Variants in CELF2 observed in about 807,000 individuals in gnomAD.
CELF2 encodes the protein CUG triplet repeat RNA-binding protein 2.
A neutral mutation model predicts 62.6 loss-of-function variants in CELF2; 8 were observed. The ratio of observed to expected loss-of-function variants is 0.13; its 90% CI spans 0.07 to 0.23. CELF2 has a LOEUF of 0.23. Among genes scored for constraint, CELF2 ranks in the 10% least tolerant of loss-of-function variants. The pLI, the probability that CELF2 is intolerant of heterozygous loss-of-function variation, is 1.00. For synonymous variants in CELF2, 258 were observed against 250.0 expected (o/e 1.03, Z -0.30); for missense variants, 333 against 671.0 (o/e 0.50, Z 5.56).
chr10:11,123,895 T>C (rs866044852), intron 1 of CELF2, among the ~76,000 whole-genome samples: 1 of 152,178 alleles, frequency 6.6e-6, no homozygotes, highest in Non-Finnish European at 1.5e-5. Flanking sequence ...TCAGTTCTCA[T>C]GCTGCTAATA....
intron 1 of CELF2, among the ~76,000 whole-genome samples, chr10:10,899,903 G>A (rs557611334): frequency 7.2e-5 from 11 of 152,310 alleles, no homozygotes; most frequent in Admixed American, 2.0e-4. Flanking sequence ...TCTACCTCCA[G>A]CATTGGGGAT....
chr10:10,941,942 C>T (rs564672342), intron 2 of CELF2, among the ~76,000 whole-genome samples: 1 of 148,226 alleles, frequency 6.7e-6, no homozygotes, highest in African/African-American at 2.5e-5. Context: ...TGCAGTGAGC[C>T]GAGATCACAG....
intron 1 of CELF2, among the ~76,000 whole-genome samples, chr10:11,027,716 T>C (rs2059453482): frequency 6.6e-6 from 1 of 152,164 alleles, no homozygotes; most frequent in Non-Finnish European, 1.5e-5. Context: ...TGGAAGGGCA[T>C]CCTTCAAGGC....
chr10:11,214,194 A>G lies in CELF2; in HGVS notation c.272-3231A>G, dbSNP rs1306196278. Reference sequence around the variant, plus strand: ...AGGTACTCAGGGAAGGGGCAGGAGAACCACTTGAGCCAAGGAGTTCAAGGC... The same window carrying G: ...AGGTACTCAGGGAAGGGGCAGGAGAGCCACTTGAGCCAAGGAGTTCAAGGC... On this transcript the variant is annotated intron_variant, in intron 2 of 12. Coordinates refer to ENST00000633077, the MANE Select transcript of CELF2 (RefSeq NM_001326342.2). The surrounding 1 kb of genome is among the most constrained non-coding windows in gnomAD (Gnocchi z 4.2). Among the ~76,000 whole-genome samples, 1 of 152,188 alleles carries G rather than the reference A, an allele frequency of 6.6e-6. No homozygotes were observed. Among genetic ancestry groups the G allele is most frequent in the East Asian group, 1.9e-4 (1 of 5,194 alleles).
chr10:10,977,327 G>A (rs920961165), intron 2 of CELF2, among the ~76,000 whole-genome samples: 7 of 152,180 alleles, frequency 4.6e-5, no homozygotes, highest in Non-Finnish European at 7.3e-5. Context: ...GCAGGTCCAC[G>A]ATGTTTGCCA....
intron 1 of CELF2, among the ~76,000 whole-genome samples, chr10:10,818,390 A>T (rs892132432): frequency 3.3e-5 from 5 of 152,154 alleles, no homozygotes; most frequent in African/African-American, 9.7e-5. Context: ...TTTTCTCATT[A>T]GATGACGTTC....
chr10:10,474,287 G>A, the CELF2 span, among the ~76,000 whole-genome samples: 2 of 151,982 alleles, frequency 1.3e-5, no homozygotes, highest in East Asian at 3.9e-4. Flanking sequence ...CCACAAAAAG[G>A]GGGAAAAAAG....
chr10:10,736,836 C>T, the CELF2 span, among the ~76,000 whole-genome samples: 1 of 151,954 alleles, frequency 6.6e-6, no homozygotes, highest in Non-Finnish European at 1.5e-5. Context: ...ATATAAATAT[C>T]GATTGTTTGG....
the CELF2 span, among the ~76,000 whole-genome samples, chr10:10,463,350 T>C: frequency 6.6e-6 from 1 of 152,198 alleles, no homozygotes; most frequent in African/African-American, 2.4e-5. Flanking sequence ...TTAGATAGTG[T>C]AAATTTTCAG....
the CELF2 span, among the ~76,000 whole-genome samples, chr10:10,543,339 C>A: frequency 1.3e-5 from 2 of 152,196 alleles, no homozygotes; most frequent in Admixed American, 6.5e-5. Flanking sequence ...TCAAAATTCC[C>A]TCCTAAGTGA....
chr10:10,465,069 G>A, the CELF2 span, among the ~76,000 whole-genome samples: 2 of 152,032 alleles, frequency 1.3e-5, no homozygotes, highest in African/African-American at 4.8e-5. Context: ...ACCTTCTGAC[G>A]AGAATACACA....
chr10:10,960,822 T>C (rs2049414936), intron 2 of CELF2, among the ~76,000 whole-genome samples: 1 of 152,208 alleles, frequency 6.6e-6, no homozygotes, highest in African/African-American at 2.4e-5. Flanking sequence ...ATCTGCCTCC[T>C]TTTTTCTTTT....
intron 1 of CELF2, among the ~76,000 whole-genome samples, chr10:10,839,825 G>C (rs2058559125): frequency 6.6e-6 from 1 of 152,190 alleles, no homozygotes. Context: ...TATTATCATA[G>C]AGAATAGTTT....
chr10:10,799,455 G>C (rs2054423263), intron 1 of CELF2, among the ~76,000 whole-genome samples: 1 of 152,044 alleles, frequency 6.6e-6, no homozygotes, highest in Non-Finnish European at 1.5e-5. Flanking sequence ...GTGCACTCCA[G>C]CCTGTGCAAC....
chr10:10,586,050 T>A, the CELF2 span, among the ~76,000 whole-genome samples: 1 of 152,212 alleles, frequency 6.6e-6, no homozygotes, highest in Non-Finnish European at 1.5e-5. Flanking sequence ...ATTTTACAAT[T>A]AGCCTTTCAG....
In CELF2 at chr10:11,098,521, G is replaced by A. The variant is rs1319936242; in HGVS notation, c.75-66965G>A. On this transcript the variant is annotated intron_variant, in intron 1 of 12. Transcript: ENST00000633077. This position sits in a 1 kb window ranked among gnomAD's most constrained non-coding sequence, Gnocchi z 4.0. ...GAAAGGGCAGTTAGGGAAGAAATGA[G>A]GGAAAAAATGGATGAGGAAGAGGGC... 2.0e-5 allele frequency: 3 copies of A among 152,142 alleles called. No homozygotes were observed. The highest frequency in any genetic ancestry group is 7.2e-5 in the African/African-American group (3 of 41,424). 9.4% of individuals were successfully genotyped at this position (152,142 alleles called of 1,614,324 possible).
At chr10:10,973,473 A>G (rs1443107685) in intron 2 of CELF2, among the ~76,000 whole-genome samples, 1 of 152,144 alleles carries the variant, frequency 6.6e-6, no homozygotes, top group Non-Finnish European at 1.5e-5. Flanking sequence ...GTTCTCCTGC[A>G]GACCACGCTT....
chr10:10,851,316 T>C (rs562299174), intron 1 of CELF2, among the ~76,000 whole-genome samples: 34 of 152,306 alleles, frequency 2.2e-4, no homozygotes, highest in Admixed American at 5.9e-4. Flanking sequence ...ACAACAAATG[T>C]TCAGAGCAGC....
chr10:11,106,744 T>C (rs533364722), intron 1 of CELF2, among the ~76,000 whole-genome samples: 1 of 152,374 alleles, frequency 6.6e-6, no homozygotes, highest in East Asian at 1.9e-4. Flanking sequence ...ACTTGTGGTC[T>C]TTACGGAAGG....
Sources: gnomAD v4.1 joint callset for allele counts (sites outside exome capture counted in the v4.1 genomes callset) on GRCh38, gnomAD v4.1.1 for gene constraint, Gnocchi (gnomAD v3.1) non-coding constraint, MANE v1.5 for transcripts, NCBI Gene and HGNC (gene_info 2026-07-23, HGNC 2026-07-21) for gene names.